The following TSBP1 variants were observed in gnomAD, a reference collection of about 807,000 sequenced individuals.
The protein encoded by TSBP1 is testis-expressed basic protein 1.
TSBP1 carries 56 observed loss-of-function variants against 68.8 expected under a neutral mutation model. That is an observed-to-expected ratio of 0.81 (90% CI 0.66 to 1.02). The LOEUF is 1.02. Ranked by LOEUF, TSBP1 falls within the 50% of genes least tolerant of loss-of-function variation. The pLI, the probability that TSBP1 is intolerant of heterozygous loss-of-function variation, is 0.00. For synonymous variants in TSBP1, 171 were observed against 208.7 expected (o/e 0.82, Z 1.56); for missense variants, 502 against 641.2 (o/e 0.78, Z 2.34).
chr6:32,321,625 A>G lies in TSBP1; in HGVS notation c.559+1492T>C, dbSNP rs553522321. Among the ~76,000 whole-genome samples the G allele has an allele frequency of 6.6e-6, 1 of 152,312 alleles. No homozygotes were observed. Among genetic ancestry groups the G allele is most frequent in the East Asian group, 1.9e-4 (1 of 5,190 alleles). ...CAGCCTCTTTGCTAAGGCTTCAGAA[A>G]GATGTGTGGATGAGGACTTTGGAGA... On this transcript the variant is annotated intron_variant, in intron 18 of 22. Transcript: ENST00000612031. This position sits in a 1 kb window ranked among gnomAD's most constrained non-coding sequence, Gnocchi z 4.3.
At chr6:32,332,601 T>TTTTTG (rs543324090) in intron 14 of TSBP1, among the ~76,000 whole-genome samples, 238 of 150,120 alleles carry the variant, frequency 1.6e-3, no homozygotes, top group Middle Eastern at 6.8e-3. Context: ...CTTCTGTTTT[T>TTTTTG]TTTTGTTTTG....
chr6:32,360,398 G>A (rs1203472073), intron 6 of TSBP1, among the ~76,000 whole-genome samples: 1 of 151,762 alleles, frequency 6.6e-6, no homozygotes, highest in South Asian at 2.1e-4. Context: ...GTGTGTGTGT[G>A]TGTATGTGTG....
At chr6:32,322,971 A>G (rs487649) in intron 18 of TSBP1, 146 bp downstream of exon 19, 217,306 of 579,516 alleles carry the variant, frequency 0.37, 43,970 homozygotes, top group Middle Eastern at 0.56. Context: ...GCTTAGTCCC[A>G]CTTTTAATTA....
intron 17 of TSBP1, chr6:32,323,372 C>A: frequency 1.4e-6 from 1 of 709,702 alleles, no homozygotes; most frequent in Non-Finnish European, 2.6e-6. Flanking sequence ...TTAAATAGTT[C>A]TAGAGGAGAT....
intron 6 of TSBP1, among the ~76,000 whole-genome samples, chr6:32,362,762 T>C (rs1773211091): frequency 6.6e-6 from 1 of 152,232 alleles, no homozygotes; most frequent in Non-Finnish European, 1.5e-5. Context: ...AGGAGTTTTA[T>C]AGTGGCAAGT....
intron 16 of TSBP1, chr6:32,324,536 C>G (rs763285283): frequency 4.6e-6 from 6 of 1,307,222 alleles, no homozygotes; most frequent in East Asian, 2.5e-5. Flanking sequence ...GATAATGAGA[C>G]AGCAAGAGGC....
intron 1 of TSBP1, among the ~76,000 whole-genome samples, chr6:32,371,131 T>A (rs1367837547): frequency 6.6e-6 from 1 of 152,120 alleles, no homozygotes; most frequent in Non-Finnish European, 1.5e-5. Flanking sequence ...TCTACTAATG[T>A]ACCTCTAAAA....
intron 6 of TSBP1, among the ~76,000 whole-genome samples, chr6:32,362,441 T>G (rs1376095563): frequency 6.6e-6 from 1 of 152,244 alleles, no homozygotes; most frequent in Non-Finnish European, 1.5e-5. Context: ...CCTTGGACTT[T>G]CCATCCTCCA....
At chr6:32,293,435 A>C in exon 23 of TSBP1, 1 of 1,606,840 alleles carries the variant, frequency 6.2e-7, no homozygotes, top group South Asian at 1.1e-5. Context: ...ACTCTTCTCT[A>C]CCTGGGCTTC....
chr6:32,296,145 A>T (rs1159616063), intron 22 of TSBP1, among the ~76,000 whole-genome samples: 2 of 152,184 alleles, frequency 1.3e-5, no homozygotes, highest in African/African-American at 4.8e-5. Context: ...CACCCAGCCA[A>T]TTACAGGAAA....
chr6:32,336,693 A>C lies in TSBP1; in HGVS notation c.410-58T>G. On this transcript the variant is annotated intron_variant, in intron 11 of 22. Coordinates refer to ENST00000612031, the Ensembl canonical transcript of TSBP1. The surrounding 1 kb of genome is among the most constrained non-coding windows in gnomAD (Gnocchi z 5.2). ...ACATTAATAGAATTTTCATTTTACCAGTATTGTTTCTAAAGAAACTATGAA... is the reference window on the plus strand; with the variant it reads ...ACATTAATAGAATTTTCATTTTACCCGTATTGTTTCTAAAGAAACTATGAA... The C allele has an allele frequency of 6.6e-7, 1 of 1,518,304 alleles. No individual in the cohort carries two copies. The highest frequency in any genetic ancestry group is 1.7e-4 in the Middle Eastern group (1 of 5,880). The allele number at this position is 1,518,304 out of a possible 1,614,324, so 94.1% of individuals were successfully genotyped here. A position where few individuals can be genotyped will look rare whatever the true frequency, so the allele number is the denominator to read the frequency against.
chr6:32,329,983 G>A (rs567862835), intron 16 of TSBP1, among the ~76,000 whole-genome samples: 34 of 152,126 alleles, frequency 2.2e-4, no homozygotes, highest in Non-Finnish European at 4.0e-4. Flanking sequence ...GTTATATCCT[G>A]TTCCATGAGG....
At chr6:32,324,272 C>A in intron 16 of TSBP1, 3 of 268,078 alleles carry the variant, frequency 1.1e-5, no homozygotes, top group Non-Finnish European at 2.2e-5. Flanking sequence ...AAAAAGAGAC[C>A]AGATATGGCA....
At chr6:32,339,374 C>T in intron 10 of TSBP1, 1 of 637,846 alleles carries the variant, frequency 1.6e-6, no homozygotes. Context: ...AAATTCCTCA[C>T]ACTGGTAAAA....
In TSBP1 at chr6:32,314,858, A is replaced by C. The variant is rs767981945; in HGVS notation, c.580+914T>G. ...TTAAGTGAGATGCTTTGACAACTCTAGATGTGAATTCTTGCATGAAGAGGT... is the reference window on the plus strand; with the variant it reads ...TTAAGTGAGATGCTTTGACAACTCTCGATGTGAATTCTTGCATGAAGAGGT... On this transcript the variant is annotated intron_variant, in intron 19 of 22. Transcript: ENST00000612031. This position sits in a 1 kb window ranked among gnomAD's most constrained non-coding sequence, Gnocchi z 4.2. Among the ~76,000 whole-genome samples the C allele has an allele frequency of 1.4e-5, 1 of 69,494 alleles. No individual in the cohort carries two copies. Among genetic ancestry groups the C allele is most frequent in the Non-Finnish European group, 4.1e-5 (1 of 24,614 alleles). 45.6% of individuals were successfully genotyped at this position (69,494 alleles called of 152,430 possible).
chr6:32,327,776 G>A lies in TSBP1; in HGVS notation c.514+2813C>T, dbSNP rs4424116. Reference sequence around the variant, plus strand: ...TCAAGCGATTACAGGTACCTGCCACGAAGTCTGGCTCATTTTTGTAGGTTT... The same window carrying A: ...TCAAGCGATTACAGGTACCTGCCACAAAGTCTGGCTCATTTTTGTAGGTTT... On this transcript the variant is annotated intron_variant, in intron 16 of 22. Coordinates refer to ENST00000612031, the Ensembl canonical transcript of TSBP1. Among the ~76,000 whole-genome samples, 6 of 148,352 alleles carry A rather than the reference G, an allele frequency of 4.0e-5. No individual in the cohort carries two copies. The South Asian group carries it at 6.4e-4, about 16-fold the overall frequency.
intron 19 of TSBP1, among the ~76,000 whole-genome samples, chr6:32,310,894 G>A (rs969406490): frequency 1.3e-5 from 2 of 151,562 alleles, no homozygotes; most frequent in East Asian, 1.9e-4. Flanking sequence ...CTGCCTTACC[G>A]TTTAAAATTT....
chr6:32,292,774 T>G lies in TSBP1; in HGVS notation c.*207A>C. The stretch of plus-strand genomic sequence containing the variant: ...TTTCTTGACGGAATCATATACGTCT[T>G]AACTTATAAAACAAATATTTGGAAA... On this transcript the variant is annotated 3_prime_UTR_variant, in exon 23 of 23. Transcript: ENST00000612031. The surrounding 1 kb of genome is among the most constrained non-coding windows in gnomAD (Gnocchi z 4.1). 1.9e-6 allele frequency: 1 copy of G among 536,416 alleles called. No individual in the cohort carries two copies. The highest frequency in any genetic ancestry group is 3.2e-6 in the Non-Finnish European group (1 of 308,666). The allele number at this position is 536,416 out of a possible 1,614,324, so 33.2% of individuals were successfully genotyped here. A position where few individuals can be genotyped will look rare whatever the true frequency, so the allele number is the denominator to read the frequency against.
chr6:32,356,368 T>C (rs1017554596), intron 6 of TSBP1, among the ~76,000 whole-genome samples: 4 of 152,170 alleles, frequency 2.6e-5, no homozygotes, highest in Non-Finnish European at 5.9e-5. Context: ...GTCATTGTGA[T>C]GGGAATTAAG....
Sources: allele counts gnomAD v4.1 joint callset (sites outside exome capture counted in the v4.1 genomes callset), GRCh38; gene constraint gnomAD v4.1.1; non-coding constraint Gnocchi (gnomAD v3.1); transcripts MANE v1.5; gene names NCBI Gene and HGNC (gene_info 2026-07-23, HGNC 2026-07-21).